Variants in KLF12 observed in about 807,000 individuals in gnomAD.
KLF12 encodes the protein KLF transcription factor 12, also known as Krueppel-like factor 12.
Under a neutral mutation model 37.8 loss-of-function variants are expected in KLF12, and 9 were observed. The ratio of observed to expected loss-of-function variants is 0.24; its 90% CI spans 0.14 to 0.42. The LOEUF (loss-of-function observed/expected upper bound fraction) is 0.42, where lower values mean the gene tolerates loss of function less well. Among genes scored for constraint, KLF12 ranks in the 10% least tolerant of loss-of-function variants. The pLI is 1.00. For synonymous variants in KLF12, 208 were observed against 202.1 expected (o/e 1.03, Z -0.25); for missense variants, 411 against 516.0 (o/e 0.80, Z 1.97).
At chr13:73,896,925 C>A (rs907574133) in intron 3 of KLF12, among the ~76,000 whole-genome samples, 2 of 152,054 alleles carry the variant, frequency 1.3e-5, no homozygotes, top group Non-Finnish European at 2.9e-5. Context: ...TCCTAAAATT[C>A]TAAACTCATA....
chr13:73,697,005 G>C (rs1215070525), intron 7 of KLF12, among the ~76,000 whole-genome samples: 3 of 152,016 alleles, frequency 2.0e-5, no homozygotes, highest in Non-Finnish European at 2.9e-5. Context: ...GGAGATCTGG[G>C]ACTATTCTGC....
intron 3 of KLF12, among the ~76,000 whole-genome samples, chr13:73,885,860 G>A (rs1160859813): frequency 6.6e-6 from 1 of 152,326 alleles, no homozygotes; most frequent in African/African-American, 2.4e-5. Flanking sequence ...CAGTTAGGGA[G>A]ATGGAGACTA....
rs116027666 is a variant in KLF12 at position 73,930,143 on chromosome 13, C to T, written c.123+13838G>A. Reference sequence around the variant, plus strand: ...AAGGCCATAGGTCTCTTAACAATAGCAAGACATTGTTTAGGGAATAATGTA... The same window carrying T: ...AAGGCCATAGGTCTCTTAACAATAGTAAGACATTGTTTAGGGAATAATGTA... On this transcript the variant is annotated intron_variant, in intron 3 of 7. Transcript: ENST00000377669. 1.7e-3 allele frequency among the ~76,000 whole-genome samples: 265 copies of T among 152,272 alleles called. 3 individuals carry two copies. The highest frequency in any genetic ancestry group is 6.1e-3 in the African/African-American group (252 of 41,556).
At chr13:73,945,628 C>T (rs897386408) in intron 2 of KLF12, among the ~76,000 whole-genome samples, 2 of 142,386 alleles carry the variant, frequency 1.4e-5, no homozygotes, top group African/African-American at 5.4e-5. Context: ...ATAAAACATA[C>T]AGAGCCTCCA....
chr13:73,975,131 G>C (rs1439185390), intron 2 of KLF12, among the ~76,000 whole-genome samples: 1 of 152,164 alleles, frequency 6.6e-6, no homozygotes, highest in East Asian at 1.9e-4. Context: ...TATTGAGTAT[G>C]TAATTCAAAA....
At chr13:73,984,190 T>G (rs1891760378) in intron 2 of KLF12, among the ~76,000 whole-genome samples, 1 of 152,160 alleles carries the variant, frequency 6.6e-6, no homozygotes, top group Non-Finnish European at 1.5e-5. Flanking sequence ...CTCAACTACA[T>G]GTCTACATTT....
chr13:73,908,411 A>C (rs1409018879), intron 3 of KLF12, among the ~76,000 whole-genome samples: 1 of 148,812 alleles, frequency 6.7e-6, no homozygotes, highest in Non-Finnish European at 1.5e-5. Context: ...CAAAAAAAAA[A>C]AACAAACAAA....
At chr13:74,234,747 G>GA in the KLF12 span, among the ~76,000 whole-genome samples, 130 of 143,114 alleles carry the variant, frequency 9.1e-4, no homozygotes, top group African/African-American at 2.2e-3. Flanking sequence ...CTCTTATTCG[G>GA]AAAAAAAAAA....
chr13:73,940,338 G>C (rs139997463), intron 3 of KLF12, among the ~76,000 whole-genome samples: 1 of 152,052 alleles, frequency 6.6e-6, no homozygotes, highest in Non-Finnish European at 1.5e-5. Flanking sequence ...CTGTGTTACC[G>C]ACAAGCAAGA....
intron 1 of KLF12, among the ~76,000 whole-genome samples, chr13:74,052,263 G>A (rs1189925143): frequency 6.6e-6 from 1 of 152,066 alleles, no homozygotes; most frequent in Non-Finnish European, 1.5e-5. Flanking sequence ...TTTGGCATCA[G>A]AAACATTGTG....
chr13:74,238,246 T>C, the KLF12 span, among the ~76,000 whole-genome samples: 31 of 130,218 alleles, frequency 2.4e-4, 2 homozygotes, highest in Admixed American at 1.7e-3. Flanking sequence ...TTACATTTAT[T>C]GATTTGTGTA....
At chr13:73,706,509 C>G (rs1874957066) in intron 7 of KLF12, among the ~76,000 whole-genome samples, 1 of 152,222 alleles carries the variant, frequency 6.6e-6, no homozygotes, top group Non-Finnish European at 1.5e-5. Context: ...AACAGTAACT[C>G]TCCATGATAG....
Position 73,862,781 on chromosome 13 carries a change from AG to A in KLF12, c.124-16409del. Among the ~76,000 whole-genome samples, 4 of 152,314 alleles carry A rather than the reference AG, an allele frequency of 2.6e-5. No individual in the cohort carries two copies. The Middle Eastern group carries it at 0.014, about 518-fold the overall frequency. ...AATAAATAAGAAAAAGAAAAGAGTC[AG>A]GCACATTAATCACTTCTTTGATCCA... is the stretch of plus-strand genomic sequence containing the variant. On this transcript the variant is annotated intron_variant, in intron 3 of 7. Transcript: ENST00000377669.
chr13:73,744,480 C>A (rs191429252), intron 6 of KLF12, among the ~76,000 whole-genome samples: 1 of 151,624 alleles, frequency 6.6e-6, no homozygotes, highest in Non-Finnish European at 1.5e-5. Context: ...CCTTTAGGCA[C>A]GCTGGTGGTA....
At chr13:74,206,612 T>A in the KLF12 span, among the ~76,000 whole-genome samples, 1 of 152,196 alleles carries the variant, frequency 6.6e-6, no homozygotes, top group Non-Finnish European at 1.5e-5. Flanking sequence ...TTGCGCTGCA[T>A]TGCAGATTTT....
chr13:74,092,641 CA>C (rs149743463), intron 1 of KLF12, among the ~76,000 whole-genome samples: 7,030 of 149,260 alleles, frequency 0.047, 527 homozygotes, highest in African/African-American at 0.16. Flanking sequence ...AAACAAAAAA[CA>C]AAAAAAAGAA....
intron 6 of KLF12, among the ~76,000 whole-genome samples, chr13:73,735,456 G>A (rs1161338859): frequency 6.6e-6 from 1 of 152,080 alleles, no homozygotes; most frequent in Non-Finnish European, 1.5e-5. Flanking sequence ...GCCCCCTAGG[G>A]GCTCTGGTGG....
chr13:73,814,533 T>C (rs1883114190), intron 4 of KLF12, among the ~76,000 whole-genome samples: 1 of 152,242 alleles, frequency 6.6e-6, no homozygotes, highest in South Asian at 2.1e-4. Flanking sequence ...GGAAAGAATT[T>C]ACATCTAGTG....
intron 6 of KLF12, among the ~76,000 whole-genome samples, chr13:73,747,027 G>T (rs990261784): frequency 4.6e-5 from 7 of 151,976 alleles, no homozygotes; most frequent in African/African-American, 1.7e-4. Context: ...ATGTTGGTCA[G>T]GCTGGTCTCG....
Sources: gnomAD v4.1 joint callset for allele counts (sites outside exome capture counted in the v4.1 genomes callset) on GRCh38, gnomAD v4.1.1 for gene constraint, MANE v1.5 for transcripts, NCBI Gene and HGNC (gene_info 2026-07-23, HGNC 2026-07-21) for gene names.